The following ABI1 variants were observed in gnomAD, a reference collection of about 807,000 sequenced individuals.
ABI1 encodes the protein Abelson interactor 1.
In ABI1, 14 loss-of-function variants were observed where a neutral mutation model predicts 54.6. The ratio of observed to expected loss-of-function variants is 0.26; its 90% confidence interval spans 0.17 to 0.40. ABI1 has a LOEUF of 0.40. Ranked by LOEUF, ABI1 falls within the 10% of genes least tolerant of loss-of-function variation. The probability of loss-of-function intolerance (pLI) is 1.00; values close to 1 mark genes in which losing one functional copy is unlikely to be tolerated. For missense variants in ABI1, 443 were observed against 598.3 expected, an observed-to-expected ratio of 0.74 and a Z score of 2.71; for synonymous variants, 194 against 209.3, an observed-to-expected ratio of 0.93 and a Z score of 0.63.
intron 7 of ABI1, 39 bp from the exon 8 acceptor site, chr10:26,759,277 T>A (rs769118457): frequency 2.4e-5 from 39 of 1,598,116 alleles, no homozygotes. Context: ...CAAAGAGACT[T>A]GAGCATTGTA....
chr10:26,814,543 T>C (rs982859446), intron 2 of ABI1, among the ~76,000 whole-genome samples: 1 of 152,188 alleles, frequency 6.6e-6, no homozygotes, highest in Non-Finnish European at 1.5e-5. Context: ...TCTCCTAGTA[T>C]TACTTCCTAT....
Position 26,834,276 on chromosome 10 carries a change from G to A in ABI1, c.118-10971C>T, listed in dbSNP as rs530795859. ...AATTAATATACTGGAATATCATCTA[G>A]TCAATAAAAATGACAACCTCAAAAA... On this transcript the variant is annotated intron_variant, in intron 1 of 10. Transcript: ENST00000376140. 2.0e-5 allele frequency among the ~76,000 whole-genome samples: 3 copies of A among 152,000 alleles called. No homozygotes were observed. The South Asian group carries it at 6.2e-4, about 32-fold the overall frequency.
At chr10:26,810,829 AT>A (rs1268977380) in intron 2 of ABI1, among the ~76,000 whole-genome samples, 3 of 151,004 alleles carry the variant, frequency 2.0e-5, no homozygotes, top group Middle Eastern at 3.4e-3. Flanking sequence ...AAAAAAAAAA[AT>A]TAACTGATAC....
chr10:26,758,156 T>G (rs1315586821), intron 8 of ABI1, among the ~76,000 whole-genome samples: 1 of 150,772 alleles, frequency 6.6e-6, no homozygotes, highest in African/African-American at 2.4e-5. Context: ...AAAAAGAACT[T>G]AAAGCAACCT....
intron 1 of ABI1, among the ~76,000 whole-genome samples, chr10:26,829,044 G>A (rs1301858639): frequency 2.6e-5 from 4 of 151,732 alleles, no homozygotes; most frequent in Non-Finnish European, 5.9e-5. Context: ...GGCTAACACG[G>A]TGAAACCCCA....
intron 7 of ABI1, 118 bp downstream of exon 7, chr10:26,765,100 A>C (rs1336356788): frequency 1.4e-6 from 1 of 728,554 alleles, no homozygotes; most frequent in Non-Finnish European, 2.2e-6. Flanking sequence ...CCTTTATTCT[A>C]GCAACGATCA....
chr10:26,829,417 T>C (rs2048522917), intron 1 of ABI1, among the ~76,000 whole-genome samples: 1 of 152,156 alleles, frequency 6.6e-6, no homozygotes, highest in African/African-American at 2.4e-5. Context: ...TTGGTGACTA[T>C]AGTTAATAAT....
chr10:26,791,980 T>C (rs1425658224), intron 2 of ABI1, among the ~76,000 whole-genome samples: 1 of 152,162 alleles, frequency 6.6e-6, no homozygotes, highest in Non-Finnish European at 1.5e-5. Flanking sequence ...GAAATTATAA[T>C]GCTGAATAAA....
Position 26,747,829 on chromosome 10 carries a change from T to C in ABI1, c.*741A>G, listed in dbSNP as rs1448692206. On this transcript the variant is annotated 3_prime_UTR_variant, in exon 11 of 11. Transcript: ENST00000376140. ...ATCATAATTCTGCAATAAATCATTA[T>C]CTTTTATTTTTTTTAAAGCAAATCA... 5.2e-6 allele frequency: 1 copy of C among 193,228 alleles called. No individual in the cohort carries two copies. Among genetic ancestry groups the C allele is most frequent in the African/African-American group, 2.3e-5 (1 of 43,072 alleles). 12.0% of individuals were successfully genotyped at this position (193,228 alleles called of 1,614,324 possible). A position where few individuals can be genotyped will look rare whatever the true frequency, so the allele number is the denominator to read the frequency against.
At chr10:26,765,998 G>A (rs1839906539) in intron 6 of ABI1, among the ~76,000 whole-genome samples, 1 of 152,028 alleles carries the variant, frequency 6.6e-6, no homozygotes, top group African/African-American at 2.4e-5. Context: ...GTTCATAATG[G>A]GAAAACTGAC....
intron 2 of ABI1, among the ~76,000 whole-genome samples, chr10:26,804,381 T>TA (rs543934752): frequency 0.027 from 3,788 of 138,572 alleles, 207 homozygotes; most frequent in South Asian, 0.2. Flanking sequence ...AGGCTCTATT[T>TA]AAAAAAAAAA....
chr10:26,855,914 T>G (rs1252893181), intron 1 of ABI1, among the ~76,000 whole-genome samples: 1 of 140,820 alleles, frequency 7.1e-6, no homozygotes, highest in African/African-American at 2.7e-5. Flanking sequence ...GAGATTGCAG[T>G]GAGCTGAGAT....
In ABI1 at chr10:26,755,648, A is replaced by AACTT. The variant is rs1838208857; in HGVS notation, c.1084+3_1084+6dup. On this transcript the variant is annotated splice_region_variant and intron_variant, in intron 9 of 10. Coordinates refer to ENST00000376140, the MANE Select transcript of ABI1 (RefSeq NM_001012750.3). ...ACTCTTCCATAGCTCAGTTTTTCCA[A>AACTT]ACTTACTGTTTTCCTGCACCCTGGC... The AACTT allele has an allele frequency of 6.2e-7, 1 of 1,608,948 alleles. No individual in the cohort carries two copies. Among genetic ancestry groups the AACTT allele is most frequent in the African/African-American group, 1.3e-5 (1 of 74,900 alleles).
chr10:26,827,442 C>T (rs1480404316), intron 1 of ABI1, among the ~76,000 whole-genome samples: 1 of 151,570 alleles, frequency 6.6e-6, no homozygotes, highest in Non-Finnish European at 1.5e-5. Flanking sequence ...AGGATGGTCT[C>T]GATCTCCTGA....
chr10:26,786,082 CTG>C (rs1262675348), intron 2 of ABI1, among the ~76,000 whole-genome samples: 2 of 152,312 alleles, frequency 1.3e-5, no homozygotes, highest in East Asian at 3.9e-4. Flanking sequence ...CTTGAAAAAA[CTG>C]TTTTTATAGT....
intron 4 of ABI1, chr10:26,770,688 G>T: frequency 1.9e-6 from 1 of 539,176 alleles, no homozygotes; most frequent in East Asian, 3.6e-5. Context: ...ACAAACTATA[G>T]ATCTTACTTG....
At chr10:26,771,991 T>G (rs1588826028) in intron 3 of ABI1, among the ~76,000 whole-genome samples, 1 of 145,696 alleles carries the variant, frequency 6.9e-6, no homozygotes. Context: ...GCTTCAAGCT[T>G]TTTTTTTTTT....
chr10:26,796,005 C>G (rs1442360570), intron 2 of ABI1, among the ~76,000 whole-genome samples: 1 of 151,928 alleles, frequency 6.6e-6, no homozygotes, highest in East Asian at 1.9e-4. Context: ...TAAAAGAGCT[C>G]AAAAGCTTCG....
At chr10:26,852,693 T>A (rs1168158717) in intron 1 of ABI1, among the ~76,000 whole-genome samples, 1 of 152,122 alleles carries the variant, frequency 6.6e-6, no homozygotes, top group African/African-American at 2.4e-5. Flanking sequence ...TGTCAAAGAA[T>A]GTAGAAATTA....
Sources: gnomAD v4.1 joint callset for allele counts (sites outside exome capture counted in the v4.1 genomes callset) on GRCh38, gnomAD v4.1.1 for gene constraint, MANE v1.5 for transcripts, NCBI Gene and HGNC (gene_info 2026-07-23, HGNC 2026-07-21) for gene names.